SNX27: variants seen among roughly 807,000 people sequenced by gnomAD.
SNX27 encodes sorting nexin 27.
SNX27 carries 22 observed loss-of-function variants against 71.6 expected under a neutral mutation model. The observed-to-expected ratio is 0.31, with a 90% CI of 0.22 to 0.44. The LOEUF is 0.44. Among genes scored for constraint, SNX27 ranks in the 20% least tolerant of loss-of-function variants. The pLI is 1.00. For synonymous variants in SNX27, 269 were observed against 277.2 expected, an observed-to-expected ratio of 0.97 and a Z score of 0.29; for missense variants, 531 against 698.6, an observed-to-expected ratio of 0.76 and a Z score of 2.70.
chr1:151,656,066 A>T (rs1196464), intron 2 of SNX27, among the ~76,000 whole-genome samples: 1 of 151,674 alleles, frequency 6.6e-6, no homozygotes, highest in African/African-American at 2.4e-5. Flanking sequence ...TACTAAAAAT[A>T]CAAAAAATTA....
chr1:151,643,443 T>C (rs943583609), intron 2 of SNX27, among the ~76,000 whole-genome samples: 1 of 150,484 alleles, frequency 6.6e-6, no homozygotes, highest in Non-Finnish European at 1.5e-5. Context: ...TACAGGCACA[T>C]AGCACTGCGT....
intron 8 of SNX27, among the ~76,000 whole-genome samples, chr1:151,687,276 CA>C (rs1671224851): frequency 6.6e-6 from 1 of 152,168 alleles, no homozygotes; most frequent in African/African-American, 2.4e-5. Context: ...TGATTTCACA[CA>C]AGGCAGCATG....
At chr1:151,616,060 T>C (rs1304245350) in intron 1 of SNX27, among the ~76,000 whole-genome samples, 1 of 152,242 alleles carries the variant, frequency 6.6e-6, no homozygotes, top group African/African-American at 2.4e-5. Flanking sequence ...GATGGAAAGT[T>C]TTTTTGACTA....
At chr1:151,688,505 G>A (rs932404734) in intron 8 of SNX27, among the ~76,000 whole-genome samples, 14 of 151,830 alleles carry the variant, frequency 9.2e-5, no homozygotes, top group South Asian at 4.2e-4. Context: ...GGGGGTGCAC[G>A]CCTATAATCC....
intron 6 of SNX27, chr1:151,666,779 A>G (rs1670206576): frequency 6.6e-6 from 1 of 152,212 alleles, no homozygotes; most frequent in South Asian, 2.1e-4. Flanking sequence ...TGATTCCCCT[A>G]AAGCAGCCAT....
chr1:151,696,041 G>A lies in SNX27; in HGVS notation c.*1624G>A, dbSNP rs1347563642. ...CCTAGGAAGGAGTAGTAGGAATATG[G>A]TTGATTAGATTGGATCTCCCAAGTT... On this transcript the variant is annotated 3_prime_UTR_variant, in exon 12 of 12. Transcript: ENST00000458013. 6.6e-6 allele frequency: 1 copy of A among 152,242 alleles called. No individual in the cohort carries two copies. The highest frequency in any genetic ancestry group is 1.5e-5 in the Non-Finnish European group (1 of 68,068). The allele number at this position is 152,242 out of a possible 1,614,324, so 9.4% of individuals were successfully genotyped here.
chr1:151,641,542 T>C (rs939381334), intron 2 of SNX27, among the ~76,000 whole-genome samples: 10 of 147,218 alleles, frequency 6.8e-5, no homozygotes, highest in Middle Eastern at 3.3e-3. Flanking sequence ...TTGGGTTGTC[T>C]TATTATTTTA....
rs1671739461 is a variant in SNX27, at chr1:151,696,537, C to CTTTCT, written c.*2123_*2127dup. On this transcript the variant is annotated 3_prime_UTR_variant, in exon 12 of 12. Coordinates refer to ENST00000458013, the MANE Select transcript of SNX27 (RefSeq NM_001330723.2). ...TCGTTCTTTCGTTCTTTCTTTCTTT[C>CTTTCT]TTTCTTTCTCTTTCTTTCTTTTGCT... The CTTTCT allele has an allele frequency of 6.8e-6, 1 of 146,446 alleles. No homozygotes were observed. The highest frequency in any genetic ancestry group is 2.6e-5 in the African/African-American group (1 of 39,172). The allele number at this position is 146,446 out of a possible 1,614,324, so 9.1% of individuals were successfully genotyped here. A position where few individuals can be genotyped will look rare whatever the true frequency, so the allele number is the denominator to read the frequency against.
At chr1:151,618,406 T>C (rs1667524084) in intron 1 of SNX27, among the ~76,000 whole-genome samples, 1 of 152,188 alleles carries the variant, frequency 6.6e-6, no homozygotes, top group African/African-American at 2.4e-5. Flanking sequence ...TAGTTGAGGT[T>C]GCAAACAAAT....
Position 151,667,600 on chromosome 1 carries a change from C to T in SNX27, c.986-872C>T, listed in dbSNP as rs559650209. On this transcript the variant is annotated intron_variant, in intron 6 of 11. Transcript: ENST00000458013. ...CAGCACTTTGGGAGGCCGAGGCGGG[C>T]GGATCACGAGGTCAGGAGATCGAGA... Among the ~76,000 whole-genome samples, 26 of 150,336 alleles carry T rather than the reference C, an allele frequency of 1.7e-4. No individual in the cohort carries two copies. In the South Asian group the frequency reaches 4.9e-3, roughly 28 times the overall value.
At chr1:151,682,441 C>T (rs977792021) in intron 7 of SNX27, among the ~76,000 whole-genome samples, 1 of 152,182 alleles carries the variant, frequency 6.6e-6, no homozygotes, top group Admixed American at 6.5e-5. Context: ...CCTGCCTCAG[C>T]CTCCCGAGTA....
intron 4 of SNX27, 87 bp from the exon 5 acceptor site, chr1:151,662,079 G>T: frequency 1.2e-6 from 1 of 849,410 alleles, no homozygotes; most frequent in Non-Finnish European, 1.9e-6. Context: ...TCTCTACCAC[G>T]TTTTAGGTTA....
In SNX27 at chr1:151,690,627, T is replaced by C. The variant is rs190374797; in HGVS notation, c.1240-1808T>C. Among the ~76,000 whole-genome samples, 464 of 151,632 alleles carry C rather than the reference T, an allele frequency of 3.1e-3. 1 individual carries two copies. Among genetic ancestry groups the C allele is most frequent in the African/African-American group, 0.011 (442 of 41,328 alleles). ...CAAATTTTTTTTTTGTTTTTTTTTT[T>C]ATAGAGATGGGGTTTCACTATATTG... On this transcript the variant is annotated intron_variant, in intron 8 of 11. Transcript: ENST00000458013.
intron 2 of SNX27, among the ~76,000 whole-genome samples, chr1:151,647,426 A>G (rs1228477043): frequency 6.9e-6 from 1 of 143,938 alleles, no homozygotes; most frequent in Non-Finnish European, 1.5e-5. Context: ...CTGGGATTAC[A>G]GGCATGGGCC....
At chr1:151,641,698 A>G (rs1399977212) in intron 2 of SNX27, among the ~76,000 whole-genome samples, 2 of 140,856 alleles carry the variant, frequency 1.4e-5, no homozygotes, top group Non-Finnish European at 3.0e-5. Context: ...TATATATCAT[A>G]TATATGATAT....
intron 8 of SNX27, among the ~76,000 whole-genome samples, 179 bp from the exon 9 acceptor site, chr1:151,692,256 C>T (rs368463773): frequency 2.0e-5 from 3 of 151,962 alleles, no homozygotes; most frequent in Admixed American, 6.6e-5. Context: ...GTCTCAGAGT[C>T]CTTTCCCAAC....
intron 7 of SNX27, among the ~76,000 whole-genome samples, chr1:151,681,235 C>CTTTTTTTATT (rs1670932382): frequency 1.6e-5 from 1 of 60,700 alleles, no homozygotes; most frequent in Non-Finnish European, 3.2e-5. Context: ...GTCTCTCAAT[C>CTTTTTTTATT]TTTTTTTTTT....
intron 6 of SNX27, chr1:151,666,868 G>A (rs990952093): frequency 1.3e-5 from 2 of 151,972 alleles, no homozygotes; most frequent in South Asian, 4.2e-4. Flanking sequence ...GGATTACTAA[G>A]GTACCAGGAC....
intron 1 of SNX27, among the ~76,000 whole-genome samples, chr1:151,634,178 G>A (rs2102624558): frequency 6.6e-6 from 1 of 152,278 alleles, no homozygotes; most frequent in Non-Finnish European, 1.5e-5. Flanking sequence ...TGTAGCCATT[G>A]TGTAGGCATA....
Sources: allele counts gnomAD v4.1 joint callset (sites outside exome capture counted in the v4.1 genomes callset), GRCh38; gene constraint gnomAD v4.1.1; transcripts MANE v1.5; gene names NCBI Gene and HGNC (gene_info 2026-07-23, HGNC 2026-07-21).